Variants in NRTN observed in about 807,000 individuals in gnomAD.
The protein encoded by NRTN is neurturin, also known as prepro-neurturin.
NRTN carries 3 observed loss-of-function variants against 7.5 expected under a neutral mutation model. That is an observed-to-expected ratio of 0.40 (90% CI 0.18 to 1.03). The LOEUF is 1.03. Among genes scored for constraint, NRTN ranks in the 50% least tolerant of loss-of-function variants. The probability of loss-of-function intolerance (pLI) is 0.34; values close to 1 mark genes in which losing one functional copy is unlikely to be tolerated. For missense variants in NRTN, 310 were observed against 307.0 expected, an observed-to-expected ratio of 1.01 and a Z score of -0.07; for synonymous variants, 157 against 146.6, an observed-to-expected ratio of 1.07 and a Z score of -0.51.
intron 1 of NRTN, 62 bp from the exon 2 acceptor site, chr19:5,823,706 C>A: frequency 3.3e-6 from 1 of 299,080 alleles, no homozygotes; most frequent in Non-Finnish European, 6.5e-6. Context: ...GCGCCTTTGT[C>A]CCACACTGCC....
chr19:5,811,717 T>G (rs990083178), intron 1 of NRTN, among the ~76,000 whole-genome samples: 11 of 151,176 alleles, frequency 7.3e-5, no homozygotes, highest in East Asian at 3.9e-4. Flanking sequence ...TTTGTTTTTT[T>G]TTTTTGTATT....
At chr19:5,815,737 GT>G (rs372274776) in intron 1 of NRTN, among the ~76,000 whole-genome samples, 2,890 of 120,354 alleles carry the variant, frequency 0.024, 8 homozygotes, top group Non-Finnish European at 0.03. Flanking sequence ...CGCCCGGCCT[GT>G]TTTTTTTTTT....
At chr19:5,813,772 A>G (rs2056997487) in intron 1 of NRTN, among the ~76,000 whole-genome samples, 1 of 151,958 alleles carries the variant, frequency 6.6e-6, no homozygotes, top group South Asian at 2.1e-4. Flanking sequence ...CTCGGGAGCC[A>G]GAGGTTGCAG....
chr19:5,819,372 T>C (rs1327313531), intron 1 of NRTN, among the ~76,000 whole-genome samples: 1 of 150,680 alleles, frequency 6.6e-6, no homozygotes, highest in Non-Finnish European at 1.5e-5. Context: ...ACAAAAAATA[T>C]AAAAATTGGT....
chr19:5,819,386 G>A (rs1319754145), intron 1 of NRTN, among the ~76,000 whole-genome samples: 1 of 152,174 alleles, frequency 6.6e-6, no homozygotes, highest in African/African-American at 2.4e-5. Context: ...AATTGGTCAG[G>A]TGTGGTGGCT....
chr19:5,813,446 C>T (rs557412713), intron 1 of NRTN, among the ~76,000 whole-genome samples: 17 of 151,302 alleles, frequency 1.1e-4, no homozygotes, highest in East Asian at 3.9e-4. Context: ...CCGAAGCGAG[C>T]GGATCACTTG....
chr19:5,816,388 T>C (rs965518531), intron 1 of NRTN, among the ~76,000 whole-genome samples: 2 of 152,182 alleles, frequency 1.3e-5, no homozygotes, highest in Non-Finnish European at 2.9e-5. Context: ...CTTTTCTTTT[T>C]TCATTTTTGA....
At position 5,824,256 on chromosome 19, in the gene NRTN, C is replaced by T. The variant is rs142703975; in HGVS notation, c.91C>T (p.His31Tyr). The change falls in exon 2 of 3, where the codon CAC becomes TAC. Residue 31 changes from histidine (H) to tyrosine (Y), a missense_variant. Physicochemically the swap from His to Tyr is moderately conservative, Grantham distance 83. Transcript: ENST00000303212. ...GTGTCGAGAGGGCCTGCTTCTCAGC[C>T]ACCGCCTCGGACCTGCGCTGGTCCC... ...WMCREGLLLS[H>Y]RLGPALVPLH... is the part of the protein sequence containing the mutation. 1.8e-5 allele frequency: 29 copies of T among 1,611,698 alleles called. No individual in the cohort carries two copies. The highest frequency in any genetic ancestry group is 2.4e-5 in the Non-Finnish European group (28 of 1,179,708).
intron 1 of NRTN, among the ~76,000 whole-genome samples, chr19:5,812,623 G>A (rs2056993801): frequency 6.6e-6 from 1 of 152,236 alleles, no homozygotes; most frequent in African/African-American, 2.4e-5. Context: ...CTCCCATGGG[G>A]TGGGCCCAGG....
chr19:5,815,012 C>T (rs1394025671), intron 1 of NRTN, among the ~76,000 whole-genome samples: 1 of 152,252 alleles, frequency 6.6e-6, no homozygotes, highest in Non-Finnish European at 1.5e-5. Flanking sequence ...TGGACACGGG[C>T]AGTGGTCAGG....
At chr19:5,825,741 C>G (rs948101619) in intron 2 of NRTN, among the ~76,000 whole-genome samples, 4 of 152,222 alleles carry the variant, frequency 2.6e-5, no homozygotes, top group African/African-American at 9.6e-5. Context: ...TCCCCATGTT[C>G]TAGGCTCCTG....
intron 2 of NRTN, among the ~76,000 whole-genome samples, chr19:5,825,519 C>T (rs1184878384): frequency 6.6e-6 from 1 of 152,230 alleles, no homozygotes; most frequent in Admixed American, 6.5e-5. Context: ...TCTGTCCTCC[C>T]ACCACTTCCC....
intron 1 of NRTN, among the ~76,000 whole-genome samples, chr19:5,816,679 G>A (rs72987170): frequency 0.24 from 35,841 of 152,006 alleles, 4,407 homozygotes; most frequent in South Asian, 0.31. Flanking sequence ...ACCGTGCCCC[G>A]TCTTGTCTTC....
chr19:5,808,675 G>A (rs1304833653), intron 1 of NRTN, among the ~76,000 whole-genome samples: 4 of 151,520 alleles, frequency 2.6e-5, no homozygotes, highest in Non-Finnish European at 4.4e-5. Context: ...TGGTCATCTC[G>A]AACAGGCACG....
intron 1 of NRTN, among the ~76,000 whole-genome samples, chr19:5,817,573 AG>A (rs1256134978): frequency 3.1e-5 from 3 of 97,646 alleles, no homozygotes; most frequent in Non-Finnish European, 5.9e-5. Context: ...GAAGGGAGGG[AG>A]GGAGGGAGGG....
chr19:5,814,520 G>C (rs1207113077), intron 1 of NRTN, among the ~76,000 whole-genome samples: 1 of 152,216 alleles, frequency 6.6e-6, no homozygotes, highest in Non-Finnish European at 1.5e-5. Flanking sequence ...TTTTATCCCT[G>C]GGACTGGGTG....
In NRTN at chr19:5,806,679, C is replaced by T. The variant is rs539786525; in HGVS notation, c.-399+1228C>T. ...GAGGTTCATAGCTCCGGCACCGACT[C>T]CACCCCCAGGGAGCTACAGAAAGCT... On this transcript the variant is annotated intron_variant, in intron 1 of 2. Transcript: ENST00000303212. This position sits in a 1 kb window ranked among gnomAD's most constrained non-coding sequence, Gnocchi z 5.4. Among the ~76,000 whole-genome samples, 5 of 152,260 alleles carry T rather than the reference C, an allele frequency of 3.3e-5. No homozygotes were observed. The South Asian group carries it at 1.0e-3, about 32-fold the overall frequency.
At chr19:5,822,068 T>G (rs1162395402) in intron 1 of NRTN, among the ~76,000 whole-genome samples, 2 of 152,106 alleles carry the variant, frequency 1.3e-5, no homozygotes, top group East Asian at 3.9e-4. Flanking sequence ...AGCTGGTGCT[T>G]AATAAATGTG....
chr19:5,820,521 G>A (rs1311942556), intron 1 of NRTN, among the ~76,000 whole-genome samples: 21 of 148,576 alleles, frequency 1.4e-4, no homozygotes, highest in Admixed American at 8.1e-4. Context: ...AGCCGAGATC[G>A]CGCCACTACA....
Sources: gnomAD v4.1 joint callset for allele counts (sites outside exome capture counted in the v4.1 genomes callset) on GRCh38, gnomAD v4.1.1 for gene constraint, Gnocchi (gnomAD v3.1) non-coding constraint, MANE v1.5 for transcripts, NCBI Gene and HGNC (gene_info 2026-07-23, HGNC 2026-07-21) for gene names.